The following CYFIP2 variants were observed in gnomAD, a reference collection of about 807,000 sequenced individuals.
The protein encoded by CYFIP2 is cytoplasmic FMR1 interacting protein 2.
A neutral mutation model predicts 158.7 loss-of-function variants in CYFIP2; 29 were observed. The observed-to-expected ratio is 0.18, with a 90% CI of 0.14 to 0.25. The LOEUF (loss-of-function observed/expected upper bound fraction) is 0.25. Among genes scored for constraint, CYFIP2 ranks in the 10% least tolerant of loss-of-function variants. The pLI is 1.00. For synonymous variants in CYFIP2, 585 were observed against 617.6 expected, an observed-to-expected ratio of 0.95 and a Z score of 0.78; for missense variants, 852 against 1,639.5, an observed-to-expected ratio of 0.52 and a Z score of 8.29.
At chr5:157,271,872 G>A (rs536154753) in intron 1 of CYFIP2, among the ~76,000 whole-genome samples, 1 of 152,288 alleles carries the variant, frequency 6.6e-6, no homozygotes, top group African/African-American at 2.4e-5. Context: ...TCCCTTGTGA[G>A]TTTTAGCAGG....
At chr5:157,358,912 T>C (rs1763606264) in intron 23 of CYFIP2, 93 bp from the exon 24 acceptor site, 1 of 1,523,418 alleles carries the variant, frequency 6.6e-7, no homozygotes, top group Admixed American at 1.7e-5. Context: ...AACACTGGGT[T>C]CCTAATGCTT....
intron 1 of CYFIP2, among the ~76,000 whole-genome samples, chr5:157,267,583 C>A (rs751554691): frequency 4.6e-5 from 7 of 152,218 alleles, no homozygotes; most frequent in Non-Finnish European, 1.0e-4. Flanking sequence ...CCCCAGTCTC[C>A]AGTGTCAGAA....
chr5:157,344,401 C>T (rs749817814), intron 23 of CYFIP2, among the ~76,000 whole-genome samples: 19 of 152,110 alleles, frequency 1.2e-4, no homozygotes, highest in Non-Finnish European at 2.2e-4. Context: ...GATGTCACAC[C>T]GCTAATACGT....
intron 26 of CYFIP2, among the ~76,000 whole-genome samples, chr5:157,371,969 A>G (rs939469439): frequency 1.5e-4 from 23 of 152,096 alleles, no homozygotes; most frequent in African/African-American, 5.3e-4. Context: ...GGTACATGCA[A>G]AACTACTGAA....
At chr5:157,322,990 C>A in intron 15 of CYFIP2, 1 of 1,536,086 alleles carries the variant, frequency 6.5e-7, no homozygotes, top group Non-Finnish European at 8.7e-7. Context: ...TGGTGGCACA[C>A]AGGGCCGAAG....
rs139298900 is a variant in CYFIP2 at position 157,343,040 on chromosome 5, G to A, written c.2673+1883G>A. 95 of 1,614,076 alleles carry A rather than the reference G, an allele frequency of 5.9e-5. No individual in the cohort carries two copies. Among genetic ancestry groups the A allele is most frequent in the Non-Finnish European group, 7.3e-5 (86 of 1,179,894 alleles). ...GTCTTCCTCCCTCTGACCAAGATCC[G>A]GGGCCTCCTCTGGCCATCTCACCAA... is the stretch of plus-strand genomic sequence containing the variant. On this transcript the variant is annotated intron_variant, in intron 23 of 30. Coordinates refer to ENST00000620254, the MANE Select transcript of CYFIP2 (RefSeq NM_001037333.3).
intron 17 of CYFIP2, chr5:157,325,902 GTAGCT>G: frequency 1.9e-6 from 1 of 538,750 alleles, no homozygotes; most frequent in South Asian, 2.8e-5. Context: ...TCAGGAGCAG[GTAGCT>G]TGTATTCTTA....
chr5:157,277,620 TG>T (rs1252237904), intron 1 of CYFIP2, among the ~76,000 whole-genome samples: 1 of 152,210 alleles, frequency 6.6e-6, no homozygotes, highest in Non-Finnish European at 1.5e-5. Context: ...TTCACATGCA[TG>T]GTTCTACTCC....
At chr5:157,292,755 A>G (rs972879150) in intron 3 of CYFIP2, among the ~76,000 whole-genome samples, 1 of 152,194 alleles carries the variant, frequency 6.6e-6, no homozygotes, top group African/African-American at 2.4e-5. Context: ...TCTCTTGGGT[A>G]TACACATACC....
In CYFIP2 at chr5:157,358,905, A is replaced by G; in HGVS notation, c.2674-100A>G. 3.4e-6 allele frequency: 5 copies of G among 1,490,612 alleles called. No homozygotes were observed. The South Asian group carries it at 5.9e-5, about 18-fold the overall frequency. 92.3% of individuals were successfully genotyped at this position (1,490,612 alleles called of 1,614,324 possible). A position where few individuals can be genotyped will look rare whatever the true frequency, so the allele number is the denominator to read the frequency against. On this transcript the variant is annotated intron_variant, in intron 23 of 30. Transcript: ENST00000620254. Reference sequence around the variant, plus strand: ...GGGCTCCAGTGAGCACGCTCGTAACACTGGGTTCCTAATGCTTCTGTCAGC... The same window carrying G: ...GGGCTCCAGTGAGCACGCTCGTAACGCTGGGTTCCTAATGCTTCTGTCAGC...
intron 16 of CYFIP2, 131 bp from the exon 17 acceptor site, chr5:157,325,351 C>G: frequency 1.0e-6 from 1 of 968,918 alleles, no homozygotes; most frequent in Non-Finnish European, 1.4e-6. Flanking sequence ...AGAGCAGGAT[C>G]TACTAATCAA....
At chr5:157,354,697 A>G (rs1192056243) in intron 23 of CYFIP2, among the ~76,000 whole-genome samples, 1 of 152,022 alleles carries the variant, frequency 6.6e-6, no homozygotes, top group Non-Finnish European at 1.5e-5. Flanking sequence ...CCCAGTCTAG[A>G]CCAGAATCCA....
chr5:157,353,283 A>G (rs1335880731), intron 23 of CYFIP2, among the ~76,000 whole-genome samples: 1 of 152,190 alleles, frequency 6.6e-6, no homozygotes, highest in Non-Finnish European at 1.5e-5. Context: ...TTCCCTTCAA[A>G]AGTTTTAGCA....
Position 157,393,187 on chromosome 5 carries a change from G to A in CYFIP2, c.*187G>A. The A allele has an allele frequency of 6.3e-6, 3 of 477,864 alleles. No individual in the cohort carries two copies. Among genetic ancestry groups the A allele is most frequent in the Non-Finnish European group, 1.1e-5 (3 of 280,794 alleles). 29.6% of individuals were successfully genotyped at this position (477,864 alleles called of 1,614,324 possible). On this transcript the variant is annotated 3_prime_UTR_variant, in exon 31 of 31. Transcript: ENST00000620254. ...TGCTCTCCCATGACATCTCCATGCTGGTTTCTCCATAGCATAAATGAAAAA... is the reference window on the plus strand; with the variant it reads ...TGCTCTCCCATGACATCTCCATGCTAGTTTCTCCATAGCATAAATGAAAAA...
chr5:157,362,992 A>G (rs924295998), intron 26 of CYFIP2: 3 of 152,242 alleles, frequency 2.0e-5, no homozygotes, highest in Admixed American at 2.0e-4. Context: ...TGCAGTAAGA[A>G]CTAAACCATT....
chr5:157,390,903 G>A (rs1280453621), intron 30 of CYFIP2, among the ~76,000 whole-genome samples: 2 of 152,164 alleles, frequency 1.3e-5, no homozygotes, highest in African/African-American at 4.8e-5. Flanking sequence ...GCTCCAGACC[G>A]GGAGCACATC....
rs570267883 is a variant in CYFIP2 at position 157,350,046 on chromosome 5, T to A, written c.2673+8889T>A. On this transcript the variant is annotated intron_variant, in intron 23 of 30. Transcript: ENST00000620254. The stretch of plus-strand genomic sequence containing the variant: ...TATTAGTCCTTTGTCAGATGTATAG[T>A]TTGCAAAGATTTTCTCCCACTCTGT... Among the ~76,000 whole-genome samples, 6 of 152,332 alleles carry A rather than the reference T, an allele frequency of 3.9e-5. No homozygotes were observed. In the East Asian group the frequency reaches 1.2e-3, roughly 29 times the overall value.
In CYFIP2 at chr5:157,330,793, C is replaced by G. The variant is rs752048205; in HGVS notation, c.2208C>G (p.Ile736Met). ...CTGAGTGTAAGAATTATGGCGTCAT[C>G]ATTCCGTATCCACCGTCCAATCGCT... ...FRAECKNYGV[I>M]IPYPPSNRYE... Residue 736 changes from isoleucine to methionine, a missense_variant, in exon 20 of 31, where the codon ATC (isoleucine) becomes ATG (methionine). Transcript: ENST00000620254. 3 of 1,613,844 alleles carry G rather than the reference C, an allele frequency of 1.9e-6. No homozygotes were observed. Among genetic ancestry groups the G allele is most frequent in the African/African-American group, 1.3e-5 (1 of 74,888 alleles).
chr5:157,364,212 G>T (rs946190370), intron 26 of CYFIP2: 1 of 141,934 alleles, frequency 7.0e-6, no homozygotes, highest in African/African-American at 2.6e-5. Context: ...GGCGGGGGGG[G>T]GTGGGTCCCT....
Sources: allele counts gnomAD v4.1 joint callset (sites outside exome capture counted in the v4.1 genomes callset), GRCh38; gene constraint gnomAD v4.1.1; transcripts MANE v1.5; gene names NCBI Gene and HGNC (gene_info 2026-07-23, HGNC 2026-07-21).